Variants in CDH15 observed in about 807,000 individuals in gnomAD.
The protein encoded by CDH15 is cadherin-15.
CDH15 carries 73 observed loss-of-function variants against 69.4 expected under a neutral mutation model. The ratio of observed to expected loss-of-function variants is 1.05; its 90% CI spans 0.87 to 1.28. CDH15 has a LOEUF of 1.28. Among genes scored for constraint, CDH15 ranks in the 50% most tolerant of loss-of-function variants. The pLI, the probability that CDH15 is intolerant of heterozygous loss-of-function variation, is 0.00. For missense variants in CDH15, 1,343 were observed against 1,133.6 expected, an observed-to-expected ratio of 1.18 and a Z score of -2.65; for synonymous variants, 624 against 507.7, an observed-to-expected ratio of 1.23 and a Z score of -3.08.
intron 13 of CDH15, among the ~76,000 whole-genome samples, chr16:89,194,141 G>C (rs1915732868): frequency 6.6e-6 from 1 of 152,242 alleles, no homozygotes; most frequent in Non-Finnish European, 1.5e-5. Flanking sequence ...TCTTTGCACA[G>C]ATGGAGTGGC....
chr16:89,183,036 G>A (rs1054065210), intron 3 of CDH15: 22 of 153,998 alleles, frequency 1.4e-4, no homozygotes, highest in Non-Finnish European at 2.9e-4. Flanking sequence ...CAAAAAATTC[G>A]CTGGGCGTGG....
intron 13 of CDH15, among the ~76,000 whole-genome samples, chr16:89,194,573 T>C (rs1597314875): frequency 6.6e-6 from 1 of 151,704 alleles, no homozygotes; most frequent in African/African-American, 2.4e-5. Flanking sequence ...GAGACCAGGG[T>C]GAGGGGGAGC....
intron 13 of CDH15, 47 bp from the exon 14 acceptor site, chr16:89,194,815 C>T (rs1236530367): frequency 6.4e-6 from 10 of 1,550,950 alleles, no homozygotes; most frequent in Middle Eastern, 2.1e-4. Context: ...CGGTGGGGCA[C>T]CCGCTGGCCC....
At chr16:89,186,633 C>T (rs34363680) in intron 5 of CDH15, among the ~76,000 whole-genome samples, 9,130 of 108,138 alleles carry the variant, frequency 0.084, 168 homozygotes, top group East Asian at 0.19. Flanking sequence ...GCTCTGTAAA[C>T]GCTCACCCAG....
chr16:89,194,628 G>A (rs764377751), intron 13 of CDH15, among the ~76,000 whole-genome samples: 23 of 152,160 alleles, frequency 1.5e-4, no homozygotes, highest in Admixed American at 5.2e-4. Context: ...CCCGGGGGAC[G>A]GGCTGGCCGC....
intron 1 of CDH15, among the ~76,000 whole-genome samples, chr16:89,174,851 C>T (rs938945916): frequency 6.6e-6 from 1 of 152,126 alleles, no homozygotes; most frequent in Non-Finnish European, 1.5e-5. Context: ...CGTCCCCTAC[C>T]CCAGGTGCAG....
rs770512732 is a variant in CDH15, at chr16:89,191,412, C to G, written c.1315C>G (p.Pro439Ala). The G allele has an allele frequency of 5.6e-6, 9 of 1,612,670 alleles. No homozygotes were observed. The highest frequency in any genetic ancestry group is 4.4e-5 in the South Asian group (4 of 91,090). ...GRIQTQHVLS[P>A]ASPFLKGGWY... Reference sequence around the variant, plus strand: ...GATCCAGACCCAGCACGTGCTCAGCCCGGCGTCCCCCTTCCTCAAGGGCGG... The same window carrying G: ...GATCCAGACCCAGCACGTGCTCAGCGCGGCGTCCCCCTTCCTCAAGGGCGG... The change falls in exon 9 of 14, where the codon CCG (proline) becomes GCG (alanine). Residue 439 changes from proline (P) to alanine (A), a missense_variant. By Grantham distance (27) the Pro-to-Ala change is conservative (BLOSUM62 -1). Coordinates refer to ENST00000289746, the MANE Select transcript of CDH15 (RefSeq NM_004933.3).
chr16:89,190,117 TA>T, intron 7 of CDH15, 125 bp from the exon 8 acceptor site: 1 of 1,160,430 alleles, frequency 8.6e-7, no homozygotes, highest in Non-Finnish European at 1.2e-6. Flanking sequence ...TTTTCAAGGT[TA>T]AAAAGGGGCA....
At position 89,193,816 on chromosome 16, in the gene CDH15, C is replaced by T. The variant is rs532349829; in HGVS notation, c.2054C>T (p.Pro685Leu). ...GCGCTGAGCCTGCCTCTGGGACCGC[C>T]GCCACTTCGCAGAGATGCCCCGCAG... ...PTALSLPLGP[P>L]PLRRDAPQGR... The change falls in exon 13 of 14, where the codon CCG (proline) becomes CTG (leucine). Residue 685 changes from proline to leucine, a missense_variant. By Grantham distance (98) the Pro-to-Leu change is moderately conservative (BLOSUM62 -3). Coordinates refer to ENST00000289746, the MANE Select transcript of CDH15 (RefSeq NM_004933.3). 5.5e-4 allele frequency: 879 copies of T among 1,609,626 alleles called. 14 individuals are homozygous for T. The South Asian group carries it at 9.3e-3, about 17-fold the overall frequency.
rs770080908 is a variant in CDH15, at chr16:89,180,974, C to CT, written c.357+632dup. The stretch of plus-strand genomic sequence containing the variant: ...TCCTGAGTGAGCCACCGCGCCCGAC[C>CT]TTTTTTTTTTTTTGAGATGGAGCTT... On this transcript the variant is annotated intron_variant, in intron 3 of 13. Coordinates refer to ENST00000289746, the MANE Select transcript of CDH15 (RefSeq NM_004933.3). 9.5e-4 allele frequency among the ~76,000 whole-genome samples: 92 copies of CT among 96,962 alleles called. 5 individuals carry two copies. The highest frequency in any genetic ancestry group is 2.8e-3 in the East Asian group (6 of 2,128). 63.6% of individuals were successfully genotyped at this position (96,962 alleles called of 152,430 possible). A position where few individuals can be genotyped will look rare whatever the true frequency, so the allele number is the denominator to read the frequency against.
intron 5 of CDH15, chr16:89,185,752 G>A (rs1000567235): frequency 1.7e-5 from 5 of 293,146 alleles, no homozygotes; most frequent in Admixed American, 1.4e-4. Flanking sequence ...ACACTGTTAC[G>A]TGGTCTTTGT....
rs1259149096 is a variant in CDH15 at position 89,182,081 on chromosome 16, GCCCTCCCCCAGCCTC to G, written c.358-1452_358-1438del. Among the ~76,000 whole-genome samples, 1,175 of 129,678 alleles carry G rather than the reference GCCCTCCCCCAGCCTC, an allele frequency of 9.1e-3. 84 individuals are homozygous for G. Among genetic ancestry groups the G allele is most frequent in the Non-Finnish European group, 0.015 (839 of 57,716 alleles). The allele number at this position is 129,678 out of a possible 152,430, so 85.1% of individuals were successfully genotyped here. A position where few individuals can be genotyped will look rare whatever the true frequency, so the allele number is the denominator to read the frequency against. On this transcript the variant is annotated intron_variant, in intron 3 of 13. Coordinates refer to ENST00000289746, the MANE Select transcript of CDH15 (RefSeq NM_004933.3). ...CCGTCTGCACTCCCTTCAGGCGCCT[GCCCTCCCCCAGCCTC>G]CCCTCCCCCAGCCTGCCCTCCCCCA...
At position 89,188,266 on chromosome 16, in the gene CDH15, G is replaced by C. The variant is rs759075771; in HGVS notation, c.959G>C (p.Gly320Ala). The change falls in exon 7 of 14, where the codon GGT becomes GCT. Residue 320 changes from glycine (G) to alanine (A), a missense_variant. Transcript: ENST00000289746. ...TIRTDPKTNE[G>A]VLSIVKALDY... ...CGCACGGACCCCAAGACCAACGAGGGTGTTCTGTCCATTGTGAAGGTGAGC... is the reference window on the plus strand; with the variant it reads ...CGCACGGACCCCAAGACCAACGAGGCTGTTCTGTCCATTGTGAAGGTGAGC... The C allele has an allele frequency of 6.8e-6, 11 of 1,613,430 alleles. No individual in the cohort carries two copies. In the East Asian group the frequency reaches 2.5e-4, roughly 36 times the overall value.
chr16:89,192,839 C>G (rs1330224957), intron 11 of CDH15, among the ~76,000 whole-genome samples: 1 of 53,796 alleles, frequency 1.9e-5, no homozygotes, highest in Admixed American at 1.6e-4. Context: ...CTCCTCCTCC[C>G]TAACCCCGCC....
At chr16:89,179,298 G>T (rs761795891) in intron 1 of CDH15, 118 bp from the exon 2 acceptor site, 149 of 1,217,912 alleles carry the variant, frequency 1.2e-4, no homozygotes, top group Non-Finnish European at 1.6e-4. Flanking sequence ...GCACCGACCC[G>T]TGGGCTGAGG....
At position 89,171,811 on chromosome 16, in the gene CDH15, C is replaced by T. The variant is rs1915157887; in HGVS notation, c.-21C>T. ...CTTCGGGTCGCGGGTGCACTCCGGC[C>T]CGGCTCCCGCCTCGGCCCCGATGGA... On this transcript the variant is annotated 5_prime_UTR_variant, in exon 1 of 14. Transcript: ENST00000289746. The T allele has an allele frequency of 1.3e-6, 2 of 1,549,112 alleles. No homozygotes were observed. The highest frequency in any genetic ancestry group is 1.4e-5 in the African/African-American group (1 of 73,192).
Position 89,190,300 on chromosome 16 carries a change from G to T in CDH15, c.1036G>T (p.Ala346Ser). 6.2e-7 allele frequency: 1 copy of T among 1,612,634 alleles called. No individual in the cohort carries two copies. Among genetic ancestry groups the T allele is most frequent in the Middle Eastern group, 1.6e-4 (1 of 6,062 alleles). ...YELKVSVQNE[A>S]PLQAAALRAE... ...ACTCAAAGTGTCGGTGCAGAATGAG[G>T]CCCCGCTGCAGGCGGCTGCCCTTAG... The change falls in exon 8 of 14, where the codon GCC becomes TCC. Residue 346 changes from alanine to serine, a missense_variant. Physicochemically the swap from Ala to Ser is moderately conservative, Grantham distance 99. Transcript: ENST00000289746.
chr16:89,179,297 C>T (rs776760115), intron 1 of CDH15, 119 bp from the exon 2 acceptor site: 83 of 1,201,954 alleles, frequency 6.9e-5, no homozygotes, highest in East Asian at 1.2e-4. Flanking sequence ...GGCACCGACC[C>T]GTGGGCTGAG....
chr16:89,177,624 C>T (rs1349295242), intron 1 of CDH15, among the ~76,000 whole-genome samples: 1 of 152,142 alleles, frequency 6.6e-6, no homozygotes, highest in Non-Finnish European at 1.5e-5. Flanking sequence ...TTCCTCCTCC[C>T]TCATCTCCCT....
Sources: gnomAD v4.1 joint callset for allele counts (sites outside exome capture counted in the v4.1 genomes callset) on GRCh38, gnomAD v4.1.1 for gene constraint, MANE v1.5 for transcripts, NCBI Gene and HGNC (gene_info 2026-07-23, HGNC 2026-07-21) for gene names.